Variants in GABPB1 observed in about 807,000 individuals in gnomAD.
GABPB1 encodes GA-binding protein subunit beta-1.
A neutral mutation model predicts 45.9 loss-of-function variants in GABPB1; 15 were observed. The observed-to-expected ratio is 0.33, with a 90% CI of 0.22 to 0.50. The LOEUF (loss-of-function observed/expected upper bound fraction) is 0.50, where lower values mean the gene tolerates loss of function less well. Among genes scored for constraint, GABPB1 ranks in the 20% least tolerant of loss-of-function variants. The pLI, the probability that GABPB1 is intolerant of heterozygous loss-of-function variation, is 0.98. For missense variants in GABPB1, 252 were observed against 457.5 expected, an observed-to-expected ratio of 0.55 and a Z score of 4.10; for synonymous variants, 143 against 154.4, an observed-to-expected ratio of 0.93 and a Z score of 0.55.
In GABPB1 at chr15:50,315,293, G is replaced by A. The variant is rs116282214; in HGVS notation, c.1-5495C>T. Among the ~76,000 whole-genome samples, 610 of 152,038 alleles carry A rather than the reference G, an allele frequency of 4.0e-3. 3 individuals carry two copies. Among genetic ancestry groups the A allele is most frequent in the African/African-American group, 0.014 (582 of 41,476 alleles). On this transcript the variant is annotated intron_variant, in intron 1 of 8. Coordinates refer to ENST00000380877, the MANE Select transcript of GABPB1 (RefSeq NM_016654.5). ...ACTACAAGAGTACACCACTAAACCC[G>A]GCTGATTTTTGTATTTTTTGTAGAA...
chr15:50,291,645 C>T (rs2140992438), intron 6 of GABPB1, among the ~76,000 whole-genome samples: 1 of 151,682 alleles, frequency 6.6e-6, no homozygotes, highest in Admixed American at 6.6e-5. Context: ...AAAAATCTTT[C>T]TATCTGGCTC....
At chr15:50,286,729 T>C (rs534444352) in intron 7 of GABPB1, among the ~76,000 whole-genome samples, 2 of 152,202 alleles carry the variant, frequency 1.3e-5, no homozygotes, top group Admixed American at 6.5e-5. Context: ...TATTCCATTA[T>C]GAGCACTGAT....
intron 2 of GABPB1, among the ~76,000 whole-genome samples, chr15:50,308,567 T>C (rs1342960343): frequency 6.6e-6 from 1 of 152,200 alleles, no homozygotes; most frequent in Non-Finnish European, 1.5e-5. Context: ...AATTATGAGA[T>C]AAGATCTCCT....
chr15:50,345,392 T>C (rs2048527567), intron 1 of GABPB1, among the ~76,000 whole-genome samples: 1 of 151,974 alleles, frequency 6.6e-6, no homozygotes, highest in South Asian at 2.1e-4. Context: ...CAGTGAGACC[T>C]TGTCTCTACC....
chr15:50,343,599 T>C (rs565508068), intron 1 of GABPB1, among the ~76,000 whole-genome samples: 1 of 151,968 alleles, frequency 6.6e-6, no homozygotes, highest in South Asian at 2.1e-4. Flanking sequence ...GGTGCAGTGG[T>C]GCCATCTCGG....
chr15:50,346,592 T>G (rs1021093075), intron 1 of GABPB1, among the ~76,000 whole-genome samples: 1 of 147,490 alleles, frequency 6.8e-6, no homozygotes, highest in Non-Finnish European at 1.5e-5. Context: ...AGAAAGTTTT[T>G]TTTTTTTTTT....
intron 1 of GABPB1, among the ~76,000 whole-genome samples, chr15:50,319,350 G>A (rs1286166993): frequency 1.3e-5 from 2 of 152,176 alleles, no homozygotes; most frequent in Non-Finnish European, 2.9e-5. Flanking sequence ...GCATCGTGGT[G>A]AAGTCTGGGC....
At chr15:50,286,245 T>C (rs2046148308) in intron 7 of GABPB1, 62 bp from the exon 8 acceptor site, 1 of 1,164,270 alleles carries the variant, frequency 8.6e-7, no homozygotes, top group African/African-American at 1.6e-5. Flanking sequence ...GAAATAAAAC[T>C]AGTCTTGACA....
At chr15:50,289,010 A>T (rs1335349182) in intron 7 of GABPB1, among the ~76,000 whole-genome samples, 2 of 151,954 alleles carry the variant, frequency 1.3e-5, no homozygotes, top group African/African-American at 2.4e-5. Context: ...TATTTTTTTT[A>T]GACATGGGGT....
intron 1 of GABPB1, among the ~76,000 whole-genome samples, chr15:50,310,812 T>C (rs2047106041): frequency 6.6e-6 from 1 of 151,902 alleles, no homozygotes; most frequent in African/African-American, 2.4e-5. Context: ...ACCCTATCTC[T>C]ACTAAAAATA....
chr15:50,307,953 TA>T lies in GABPB1; in HGVS notation c.108+1737del, dbSNP rs567596676. On this transcript the variant is annotated intron_variant, in intron 2 of 8. Coordinates refer to ENST00000380877, the MANE Select transcript of GABPB1 (RefSeq NM_016654.5). ...TTCTCACATGATCCTTCATGATTCC[TA>T]ACATCTCTTTTACATTTTCTATCTA... 2.0e-5 allele frequency among the ~76,000 whole-genome samples: 3 copies of T among 152,306 alleles called. No homozygotes were observed. In the South Asian group the frequency reaches 6.2e-4, roughly 32 times the overall value.
intron 1 of GABPB1, among the ~76,000 whole-genome samples, chr15:50,324,826 T>C (rs1180371268): frequency 1.3e-5 from 2 of 151,958 alleles, no homozygotes; most frequent in Admixed American, 1.3e-4. Flanking sequence ...GGATTACAGG[T>C]GTGAGCCACC....
intron 1 of GABPB1, among the ~76,000 whole-genome samples, chr15:50,317,783 C>T (rs2047397102): frequency 6.6e-6 from 1 of 151,952 alleles, no homozygotes; most frequent in Non-Finnish European, 1.5e-5. Context: ...GTGATGGGTG[C>T]CTGCAGTCCC....
chr15:50,281,776 CT>C (rs928615168), intron 8 of GABPB1, among the ~76,000 whole-genome samples: 2 of 152,134 alleles, frequency 1.3e-5, no homozygotes, highest in African/African-American at 4.8e-5. Context: ...TGAAAAAAAA[CT>C]TTGCCTTCTC....
In GABPB1 at chr15:50,277,983, T is replaced by C. The variant is rs2045871194; in HGVS notation, c.*649A>G. The stretch of plus-strand genomic sequence containing the variant: ...ACTTTCATCATTTCTGTGGGAGAAA[T>C]ACCTATGTAAGTGATGCATTTTGAA... On this transcript the variant is annotated 3_prime_UTR_variant, in exon 9 of 9. Coordinates refer to ENST00000380877, the MANE Select transcript of GABPB1 (RefSeq NM_016654.5). 1 of 152,462 alleles carries C rather than the reference T, an allele frequency of 6.6e-6. No individual in the cohort carries two copies. Among genetic ancestry groups the C allele is most frequent in the Admixed American group, 6.5e-5 (1 of 15,284 alleles). 9.4% of individuals were successfully genotyped at this position (152,462 alleles called of 1,614,324 possible). A position where few individuals can be genotyped will look rare whatever the true frequency, so the allele number is the denominator to read the frequency against.
intron 1 of GABPB1, among the ~76,000 whole-genome samples, chr15:50,324,218 T>A (rs72489235): frequency 1.7e-4 from 23 of 131,596 alleles, no homozygotes; most frequent in African/African-American, 4.0e-4. Context: ...AAAAAAAAAA[T>A]TTTTTTTAAT....
intron 1 of GABPB1, among the ~76,000 whole-genome samples, chr15:50,328,533 T>C (rs2047849310): frequency 2.0e-5 from 3 of 152,360 alleles, no homozygotes; most frequent in Admixed American, 6.5e-5. Flanking sequence ...AAAATGTCAA[T>C]AGCAACATGC....
chr15:50,341,576 T>C lies in GABPB1; in HGVS notation c.-1+13409A>G, dbSNP rs78193116. 1.2e-3 allele frequency among the ~76,000 whole-genome samples: 186 copies of C among 152,170 alleles called. No individual in the cohort carries two copies. The East Asian group carries it at 0.03, about 24-fold the overall frequency. On this transcript the variant is annotated intron_variant, in intron 1 of 8. Coordinates refer to ENST00000380877, the MANE Select transcript of GABPB1 (RefSeq NM_016654.5). ...GATTTAAACAGTTGGCTACTCACCA[T>C]TCTACTTAATAAACATAAGTCCCAG...
intron 3 of GABPB1, among the ~76,000 whole-genome samples, chr15:50,303,446 G>A (rs1418015764): frequency 3.3e-5 from 5 of 152,164 alleles, no homozygotes; most frequent in Non-Finnish European, 5.9e-5. Context: ...CACTTTGGGA[G>A]CCCAAGGCAG....
Sources: allele counts gnomAD v4.1 joint callset (sites outside exome capture counted in the v4.1 genomes callset), GRCh38; gene constraint gnomAD v4.1.1; transcripts MANE v1.5; gene names NCBI Gene and HGNC (gene_info 2026-07-23, HGNC 2026-07-21).